The following ARHGAP44 variants were observed in gnomAD, a reference collection of about 807,000 sequenced individuals.
ARHGAP44 encodes the protein Rho GTPase activating protein 44.
In ARHGAP44, 43 loss-of-function variants were observed where a neutral mutation model predicts 106.8. The ratio of observed to expected loss-of-function variants is 0.40; its 90% confidence interval spans 0.32 to 0.52. ARHGAP44 has a LOEUF of 0.52. ARHGAP44 is among the 20% of genes least tolerant of loss of function. ARHGAP44 has a pLI of 0.48. For synonymous variants in ARHGAP44, 439 were observed against 410.3 expected, an observed-to-expected ratio of 1.07 and a Z score of -0.85; for missense variants, 866 against 1,050.5, an observed-to-expected ratio of 0.82 and a Z score of 2.43.
intron 1 of ARHGAP44, among the ~76,000 whole-genome samples, chr17:12,840,550 A>G (rs575656141): frequency 2.0e-5 from 3 of 152,092 alleles, no homozygotes; most frequent in African/African-American, 7.2e-5. Flanking sequence ...CCCTCTTCTA[A>G]TAGGAGCACC....
intron 6 of ARHGAP44, among the ~76,000 whole-genome samples, chr17:12,921,314 AC>A (rs1367481422): frequency 2.6e-5 from 4 of 151,968 alleles, no homozygotes; most frequent in African/African-American, 9.7e-5. Context: ...TGATCTGCCC[AC>A]CTCAGCCTCC....
intron 3 of ARHGAP44, among the ~76,000 whole-genome samples, chr17:12,897,710 CTTT>C (rs71980749): frequency 1.7e-4 from 18 of 108,932 alleles, no homozygotes; most frequent in Admixed American, 3.1e-4. Context: ...TGATCTGTGT[CTTT>C]TTTTTTTTTT....
chr17:12,860,311 G>T (rs972739611), intron 1 of ARHGAP44, among the ~76,000 whole-genome samples: 1 of 152,080 alleles, frequency 6.6e-6, no homozygotes, highest in Non-Finnish European at 1.5e-5. Flanking sequence ...GGTCAACAAG[G>T]CTCCTGACAA....
At chr17:12,808,119 C>G (rs2068863474) in intron 1 of ARHGAP44, among the ~76,000 whole-genome samples, 1 of 152,228 alleles carries the variant, frequency 6.6e-6, no homozygotes, top group South Asian at 2.1e-4. Context: ...ACTGATGCAA[C>G]AGGTGGGCTC....
chr17:12,789,803 C>A lies in ARHGAP44; in HGVS notation c.-36C>A, dbSNP rs2033677739. On this transcript the variant is annotated 5_prime_UTR_variant, in exon 1 of 21. Transcript: ENST00000379672. ...GCGGGCTCCGGGCTGCTCCGTCCTT[C>A]CCCAGCTCCCGGGCTAGCGCGGCAG... is the stretch of plus-strand genomic sequence containing the variant. The A allele has an allele frequency of 3.4e-6, 5 of 1,492,134 alleles. No homozygotes were observed. Among genetic ancestry groups the A allele is most frequent in the Non-Finnish European group, 4.5e-6 (5 of 1,122,096 alleles). 92.4% of individuals were successfully genotyped at this position (1,492,134 alleles called of 1,614,324 possible).
At chr17:12,947,268 C>G (rs2038876095) in intron 10 of ARHGAP44, among the ~76,000 whole-genome samples, 1 of 152,220 alleles carries the variant, frequency 6.6e-6, no homozygotes, top group African/African-American at 2.4e-5. Context: ...AATCCGATGA[C>G]TTACTGCCAG....
intron 1 of ARHGAP44, among the ~76,000 whole-genome samples, chr17:12,792,159 C>T (rs2033782392): frequency 1.3e-5 from 2 of 152,138 alleles, no homozygotes; most frequent in Non-Finnish European, 2.9e-5. Context: ...TTACTGTTTT[C>T]CCATTTTTTT....
intron 1 of ARHGAP44, 163 bp downstream of exon 1, chr17:12,790,054 C>G (rs2033690180): frequency 1.7e-6 from 1 of 605,982 alleles, no homozygotes; most frequent in Non-Finnish European, 2.7e-6. Context: ...CCCCTCCTCC[C>G]TAACTTCCCA....
Position 12,990,759 on chromosome 17 carries a change from A to T in ARHGAP44, c.*588A>T, listed in dbSNP as rs1239287073. 2 of 152,306 alleles carry T rather than the reference A, an allele frequency of 1.3e-5. No homozygotes were observed. Among genetic ancestry groups the T allele is most frequent in the African/African-American group, 4.8e-5 (2 of 41,464 alleles). The allele number at this position is 152,306 out of a possible 1,614,324, so 9.4% of individuals were successfully genotyped here. On this transcript the variant is annotated 3_prime_UTR_variant, in exon 21 of 21. Coordinates refer to ENST00000379672, the MANE Select transcript of ARHGAP44 (RefSeq NM_014859.6). The stretch of plus-strand genomic sequence containing the variant: ...CAGGCCGCCCCCATCAGTGGGCTCC[A>T]AAGTAAATGGCTGAAAACAAAAATG...
chr17:12,886,152 C>T (rs868391506), intron 1 of ARHGAP44, among the ~76,000 whole-genome samples: 2 of 152,032 alleles, frequency 1.3e-5, no homozygotes, highest in Non-Finnish European at 2.9e-5. Context: ...TCATATTTGT[C>T]TAGGTCTACT....
Position 12,980,182 on chromosome 17 carries a change from C to A in ARHGAP44, c.1888C>A (p.Pro630Thr), listed in dbSNP as rs2039796828. The A allele has an allele frequency of 6.2e-7, 1 of 1,613,510 alleles. No individual in the cohort carries two copies. Among genetic ancestry groups the A allele is most frequent in the African/African-American group, 1.3e-5 (1 of 75,046 alleles). The change falls in exon 19 of 21, where the codon CCC (proline) becomes ACC (threonine). Residue 630 changes from proline (P) to threonine (T), a missense_variant. Pro to Thr is a conservative substitution (Grantham distance 38, BLOSUM62 -1). This residue lies in a region of ARHGAP44 where 418 missense variants were observed against 403.6 expected (regional missense o/e 1.04). Transcript: ENST00000379672. ...ACCTGGAGCTCAGCCGGGCGCCAGC[C>A]CCAGCCCCAGCCAGCCGCCTGCAGA... ...AQPGAQPGAS[P>T]SPSQPPADQS...
intron 1 of ARHGAP44, among the ~76,000 whole-genome samples, chr17:12,886,553 G>A (rs1264941738): frequency 6.6e-6 from 1 of 151,856 alleles, no homozygotes; most frequent in Non-Finnish European, 1.5e-5. Flanking sequence ...TAACACCTAA[G>A]TGTTTTTTTA....
At chr17:12,839,754 C>A (rs2035339250) in intron 1 of ARHGAP44, among the ~76,000 whole-genome samples, 1 of 152,118 alleles carries the variant, frequency 6.6e-6, no homozygotes, top group Non-Finnish European at 1.5e-5. Flanking sequence ...TTTTACTGTC[C>A]TTTAGGCTCC....
intron 13 of ARHGAP44, among the ~76,000 whole-genome samples, chr17:12,954,036 C>T (rs1034674168): frequency 3.3e-5 from 5 of 151,350 alleles, no homozygotes; most frequent in Non-Finnish European, 2.9e-5. Flanking sequence ...TATGTGCATG[C>T]GCCACCATGC....
intron 6 of ARHGAP44, 41 bp from the exon 7 acceptor site, chr17:12,928,888 T>G: frequency 6.5e-7 from 1 of 1,545,156 alleles, no homozygotes; most frequent in Non-Finnish European, 8.8e-7. Context: ...TCCCCAGGGC[T>G]CTACCTGTCT....
chr17:12,949,097 T>A lies in ARHGAP44; in HGVS notation c.862-43T>A, dbSNP rs748564938. On this transcript the variant is annotated intron_variant, in intron 10 of 20. Coordinates refer to ENST00000379672, the MANE Select transcript of ARHGAP44 (RefSeq NM_014859.6). The surrounding 1 kb of genome is among the most constrained non-coding windows in gnomAD (Gnocchi z 4.1). ...GCGGGGTCTCTGCGCTTTGATGTTG[T>A]ACCTTGGAGTTGCTGTGCGCTGACC... 6.5e-7 allele frequency: 1 copy of A among 1,528,598 alleles called. No homozygotes were observed. The highest frequency in any genetic ancestry group is 8.9e-7 in the Non-Finnish European group (1 of 1,127,850). The allele number at this position is 1,528,598 out of a possible 1,614,324, so 94.7% of individuals were successfully genotyped here.
chr17:12,824,118 G>A (rs1476604153), intron 1 of ARHGAP44, among the ~76,000 whole-genome samples: 3 of 151,916 alleles, frequency 2.0e-5, no homozygotes, highest in Admixed American at 1.3e-4. Context: ...GGATTTCCTC[G>A]TGGATCACTC....
At position 12,890,160 on chromosome 17, in the gene ARHGAP44, G is replaced by A. The variant is rs146563260; in HGVS notation, c.54-4780G>A. ...GCCTTAGTGAGTACTCTCTACAGTG[G>A]CTTTGTCCCCACAGTTCTGCTGGGC... On this transcript the variant is annotated intron_variant, in intron 1 of 20. Transcript: ENST00000379672. Among the ~76,000 whole-genome samples, 128 of 152,174 alleles carry A rather than the reference G, an allele frequency of 8.4e-4. 1 individual carries two copies. The highest frequency in any genetic ancestry group is 2.9e-3 in the African/African-American group (119 of 41,518).
chr17:12,957,997 T>A (rs577176339), intron 15 of ARHGAP44, among the ~76,000 whole-genome samples: 1 of 152,298 alleles, frequency 6.6e-6, no homozygotes, highest in Non-Finnish European at 1.5e-5. Flanking sequence ...GTTGCGTTGA[T>A]AACAGAGTTG....
Sources: gnomAD v4.1 joint callset for allele counts (sites outside exome capture counted in the v4.1 genomes callset) on GRCh38, gnomAD v4.1.1 for gene constraint, gnomAD v4.1.1 regional missense constraint, Gnocchi (gnomAD v3.1) non-coding constraint, MANE v1.5 for transcripts, NCBI Gene and HGNC (gene_info 2026-07-23, HGNC 2026-07-21) for gene names.